The following FAM222B variants were observed in gnomAD, a reference collection of about 807,000 sequenced individuals.
FAM222B encodes the protein protein FAM222B.
In FAM222B, 12 loss-of-function variants were observed where a neutral mutation model predicts 38.0. The ratio of observed to expected loss-of-function variants is 0.32; its 90% CI spans 0.20 to 0.51. The LOEUF (loss-of-function observed/expected upper bound fraction) is 0.51. FAM222B is among the 20% of genes least tolerant of loss of function. The pLI is 0.97. For synonymous variants in FAM222B, 329 were observed against 317.2 expected, an observed-to-expected ratio of 1.04 and a Z score of -0.40; for missense variants, 716 against 754.2, an observed-to-expected ratio of 0.95 and a Z score of 0.59.
intron 1 of FAM222B, among the ~76,000 whole-genome samples, chr17:28,828,280 G>A (rs1385103314): frequency 6.6e-6 from 1 of 151,242 alleles, no homozygotes. Flanking sequence ...AAAACAAAGT[G>A]AGCTGGGCAC....
At chr17:28,811,805 T>C (rs1448309867) in intron 1 of FAM222B, among the ~76,000 whole-genome samples, 3 of 152,178 alleles carry the variant, frequency 2.0e-5, no homozygotes, top group Non-Finnish European at 4.4e-5. Context: ...CAGATTGTTA[T>C]TGCTGATCAA....
chr17:28,852,952 G>A (rs1056714622), intron 1 of FAM222B, among the ~76,000 whole-genome samples: 1 of 152,210 alleles, frequency 6.6e-6, no homozygotes, highest in African/African-American at 2.4e-5. Flanking sequence ...CCAGCGCATT[G>A]GGAGGTTGAG....
chr17:28,820,350 G>A (rs955747032), intron 1 of FAM222B, among the ~76,000 whole-genome samples: 1 of 152,166 alleles, frequency 6.6e-6, no homozygotes, highest in Non-Finnish European at 1.5e-5. Context: ...ACTCTGGTAT[G>A]GAACAAGGAG....
At chr17:28,848,163 T>G (rs1439966259) in intron 1 of FAM222B, among the ~76,000 whole-genome samples, 1 of 152,132 alleles carries the variant, frequency 6.6e-6, no homozygotes, top group Non-Finnish European at 1.5e-5. Context: ...GGTATCAACA[T>G]GACTGCAGCA....
chr17:28,768,872 G>A (rs966892038), intron 1 of FAM222B, among the ~76,000 whole-genome samples: 5 of 148,036 alleles, frequency 3.4e-5, no homozygotes, highest in African/African-American at 1.2e-4. Context: ...AGAGACTTCT[G>A]TTGGGGTCTG....
chr17:28,840,567 G>C (rs1323604092), intron 1 of FAM222B, among the ~76,000 whole-genome samples: 1 of 152,144 alleles, frequency 6.6e-6, no homozygotes, highest in Admixed American at 6.6e-5. Context: ...AGCAGAGCTA[G>C]AGGGCTGCCT....
At chr17:28,816,653 T>C (rs1026093422) in intron 1 of FAM222B, among the ~76,000 whole-genome samples, 1 of 150,680 alleles carries the variant, frequency 6.6e-6, no homozygotes, top group East Asian at 2.0e-4. Context: ...AAAAAAACAA[T>C]GATTGCACCC....
intron 1 of FAM222B, among the ~76,000 whole-genome samples, chr17:28,790,794 C>T (rs111404577): frequency 2.1e-5 from 3 of 146,158 alleles, no homozygotes; most frequent in South Asian, 2.2e-4. Context: ...GATGATGGAA[C>T]ATCAGGTCAG....
intron 1 of FAM222B, among the ~76,000 whole-genome samples, chr17:28,801,844 T>C (rs1184503436): frequency 6.6e-6 from 1 of 152,064 alleles, no homozygotes; most frequent in Non-Finnish European, 1.5e-5. Flanking sequence ...TAGAAGTGCT[T>C]AGCTTTTGGA....
intron 1 of FAM222B, among the ~76,000 whole-genome samples, chr17:28,811,469 C>T (rs1026223227): frequency 6.6e-6 from 1 of 152,076 alleles, no homozygotes; most frequent in African/African-American, 2.4e-5. Context: ...AAAAAACCCC[C>T]ACGAACTAAA....
chr17:28,759,078 T>C lies in FAM222B; in HGVS notation c.881A>G (p.Asn294Ser). The change falls in exon 3 of 3, where the codon AAC (asparagine) becomes AGC (serine). Residue 294 changes from asparagine (N) to serine (S), a missense_variant. Transcript: ENST00000581407. The surrounding 1 kb of genome is among the most constrained non-coding windows in gnomAD (Gnocchi z 4.8). ...TTSVCEGQIA[N>S]PSPISRSLLI... ...CAGACTGCGACTAATGGGGCTGGGGTTGGCGATCTGGCCCTCACACACTGA... is the reference window on the plus strand; with the variant it reads ...CAGACTGCGACTAATGGGGCTGGGGCTGGCGATCTGGCCCTCACACACTGA... 1.2e-6 allele frequency: 2 copies of C among 1,611,922 alleles called. No homozygotes were observed. The highest frequency in any genetic ancestry group is 8.5e-7 in the Non-Finnish European group (1 of 1,179,094).
At chr17:28,817,225 A>G (rs1244472759) in intron 1 of FAM222B, among the ~76,000 whole-genome samples, 1 of 151,986 alleles carries the variant, frequency 6.6e-6, no homozygotes, top group Admixed American at 6.6e-5. Flanking sequence ...CAGCCTGGCC[A>G]ACATTGTGAA....
At chr17:28,843,416 C>A (rs2039108801), upstream of FAM222B, among the ~76,000 whole-genome samples, 1 of 148,458 alleles carries the variant, frequency 6.7e-6, no homozygotes, top group Non-Finnish European at 1.5e-5. Context: ...GGATTACAAG[C>A]ATGAGCCACC....
At chr17:28,761,539 C>T (rs2035071507) in intron 2 of FAM222B, among the ~76,000 whole-genome samples, 1 of 152,216 alleles carries the variant, frequency 6.6e-6, no homozygotes, top group Non-Finnish European at 1.5e-5. Context: ...TATTCAAAGT[C>T]ACATCACTGG....
In FAM222B at chr17:28,758,903, G is replaced by C; in HGVS notation, c.1056C>G (p.Val352=). The part of the protein sequence containing the change: ...PVNLPTGISR[V]PTGYPSDLKP... ...TGAGGTCGCTAGGGTAGCCAGTGGGGACGCGAGAGATGCCTGTGGGCAGGT... is the reference window on the plus strand; with the variant it reads ...TGAGGTCGCTAGGGTAGCCAGTGGGCACGCGAGAGATGCCTGTGGGCAGGT... Residue 352 remains valine, a synonymous_variant, in exon 3 of 3, where the codon GTC becomes GTG. Transcript: ENST00000581407. The C allele has an allele frequency of 1.2e-6, 2 of 1,609,216 alleles. No homozygotes were observed. The highest frequency in any genetic ancestry group is 1.7e-6 in the Non-Finnish European group (2 of 1,178,226).
Position 28,790,884 on chromosome 17 carries a change from C to CTTTTTTTTTTT in FAM222B, c.-40-24188_-40-24178dup, listed in dbSNP as rs60664262. Among the ~76,000 whole-genome samples, 26 of 86,082 alleles carry CTTTTTTTTTTT rather than the reference C, an allele frequency of 3.0e-4. 1 individual carries two copies. The highest frequency in any genetic ancestry group is 7.0e-4 in the East Asian group (2 of 2,848). The allele number at this position is 86,082 out of a possible 152,430, so 56.5% of individuals were successfully genotyped here. A position where few individuals can be genotyped will look rare whatever the true frequency, so the allele number is the denominator to read the frequency against. ...GTTCTATATATTTCAAATTGTTTCA[C>CTTTTTTTTTTT]TTTTTTTTTTTTTTTTTTTTTTTTT... On this transcript the variant is annotated intron_variant, in intron 1 of 2. Transcript: ENST00000581407.
At chr17:28,829,622 G>A (rs2038587526) in intron 1 of FAM222B, among the ~76,000 whole-genome samples, 1 of 152,120 alleles carries the variant, frequency 6.6e-6, no homozygotes, top group South Asian at 2.1e-4. Context: ...ATACCAATGA[G>A]TTTCATTCAT....
At chr17:28,815,283 G>A (rs1057160039) in intron 1 of FAM222B, among the ~76,000 whole-genome samples, 1 of 150,958 alleles carries the variant, frequency 6.6e-6, no homozygotes, top group Admixed American at 6.6e-5. Context: ...GCGCGATCTC[G>A]GCGCACTGCA....
At chr17:28,788,328 T>G (rs2036512173) in intron 1 of FAM222B, among the ~76,000 whole-genome samples, 1 of 152,206 alleles carries the variant, frequency 6.6e-6, no homozygotes, top group Non-Finnish European at 1.5e-5. Flanking sequence ...AACCTTGAAC[T>G]TCTAGGCTTA....
Sources: allele counts gnomAD v4.1 joint callset (sites outside exome capture counted in the v4.1 genomes callset), GRCh38; gene constraint gnomAD v4.1.1; non-coding constraint Gnocchi (gnomAD v3.1); transcripts MANE v1.5; gene names NCBI Gene and HGNC (gene_info 2026-07-23, HGNC 2026-07-21).